Variants in FAM171A1 observed in about 807,000 individuals in gnomAD.
FAM171A1 encodes protein FAM171A1.
FAM171A1 carries 23 observed loss-of-function variants against 74.9 expected under a neutral mutation model. The observed-to-expected ratio is 0.31, with a 90% CI of 0.22 to 0.44. The LOEUF (loss-of-function observed/expected upper bound fraction) is 0.44. Among genes scored for constraint, FAM171A1 ranks in the 20% least tolerant of loss-of-function variants. FAM171A1 has a pLI of 1.00. For missense variants in FAM171A1, 1,162 were observed against 1,159.2 expected (o/e 1.00, Z -0.03); for synonymous variants, 527 against 505.7 (o/e 1.04, Z -0.57).
intron 4 of FAM171A1, among the ~76,000 whole-genome samples, chr10:15,254,393 T>C (rs1173145324): frequency 1.3e-5 from 2 of 152,166 alleles, no homozygotes; most frequent in African/African-American, 4.8e-5. Context: ...CTAAGTCTAA[T>C]CTTATACTTA....
intron 1 of FAM171A1, among the ~76,000 whole-genome samples, chr10:15,306,867 T>C (rs1208551855): frequency 1.3e-5 from 2 of 152,228 alleles, no homozygotes; most frequent in African/African-American, 2.4e-5. Context: ...TCACCGGAAC[T>C]AAGTCCAGCT....
At chr10:15,331,038 C>T (rs185476988) in intron 1 of FAM171A1, among the ~76,000 whole-genome samples, 65 of 152,106 alleles carry the variant, frequency 4.3e-4, no homozygotes, top group African/African-American at 1.4e-3. Context: ...TACAGGCGCA[C>T]GCCACCACGC....
intron 1 of FAM171A1, among the ~76,000 whole-genome samples, chr10:15,320,387 T>C (rs1835473021): frequency 6.6e-6 from 1 of 152,244 alleles, no homozygotes; most frequent in Non-Finnish European, 1.5e-5. Context: ...GGCTTCTAGG[T>C]TGATTTCACA....
intron 3 of FAM171A1, among the ~76,000 whole-genome samples, chr10:15,260,842 C>T (rs906752947): frequency 2.0e-5 from 3 of 152,140 alleles, no homozygotes; most frequent in Non-Finnish European, 2.9e-5. Context: ...GTAGCAGCCC[C>T]CAAAATTTCT....
intron 1 of FAM171A1, among the ~76,000 whole-genome samples, chr10:15,320,974 A>G (rs1835480037): frequency 1.3e-5 from 2 of 152,180 alleles, no homozygotes; most frequent in South Asian, 4.1e-4. Flanking sequence ...TTTAATGGGG[A>G]TGTAACACGG....
rs758641406 is a variant in FAM171A1, at chr10:15,214,595, C to G, written c.993G>C (p.Lys331Asn). The G allele has an allele frequency of 6.3e-7, 1 of 1,584,274 alleles. No individual in the cohort carries two copies. Among genetic ancestry groups the G allele is most frequent in the South Asian group, 1.2e-5 (1 of 86,948 alleles). The change falls in exon 8 of 8, where the codon AAG (lysine) becomes AAC (asparagine). Residue 331 changes from lysine to asparagine, a missense_variant. Physicochemically the swap from Lys to Asn is moderately conservative, Grantham distance 94. Coordinates refer to ENST00000378116, the MANE Select transcript of FAM171A1 (RefSeq NM_001010924.2). The stretch of plus-strand genomic sequence containing the variant: ...TGTGGTGCTGACGAGGTTTCAAGCA[C>G]TTCCTCCTGCGCCCAAAGACACAAT... Reference protein sequence around the residue: ...LCLLLYYCRRKCLKPRQHHRK... With the variant: ...LCLLLYYCRRNCLKPRQHHRK...
At chr10:15,293,557 ATAT>A (rs1382077898) in intron 1 of FAM171A1, among the ~76,000 whole-genome samples, 1 of 150,372 alleles carries the variant, frequency 6.7e-6, no homozygotes. Flanking sequence ...TAAAAAAAAA[ATAT>A]ATATATATAT....
intron 1 of FAM171A1, among the ~76,000 whole-genome samples, chr10:15,341,029 C>A (rs116034150): frequency 6.6e-6 from 1 of 152,162 alleles, no homozygotes; most frequent in African/African-American, 2.4e-5. Flanking sequence ...TATGCCAGTA[C>A]GTCTCAAGCT....
intron 3 of FAM171A1, among the ~76,000 whole-genome samples, chr10:15,275,379 C>T (rs1440770050): frequency 6.6e-6 from 1 of 151,804 alleles, no homozygotes; most frequent in African/African-American, 2.4e-5. Context: ...CTCCACCTCC[C>T]AGGTTTAAGC....
rs180891266 is a variant in FAM171A1 at position 15,265,992 on chromosome 10, C to T, written c.418+9863G>A. 2.8e-3 allele frequency among the ~76,000 whole-genome samples: 430 copies of T among 152,268 alleles called. 4 individuals are homozygous for T. Among genetic ancestry groups the T allele is most frequent in the African/African-American group, 9.1e-3 (380 of 41,558 alleles). On this transcript the variant is annotated intron_variant, in intron 3 of 7. Coordinates refer to ENST00000378116, the MANE Select transcript of FAM171A1 (RefSeq NM_001010924.2). ...GTGGTAGAAGGCACAAGAGGTAGAA[C>T]GACCAGCTCTGGGCTCAGGCAGCTC...
intron 1 of FAM171A1, among the ~76,000 whole-genome samples, chr10:15,342,391 G>A (rs559908036): frequency 1.8e-4 from 28 of 152,280 alleles, no homozygotes; most frequent in African/African-American, 6.3e-4. Flanking sequence ...CCAATATGGC[G>A]AAACCCTGTC....
At chr10:15,333,975 T>C (rs75977732) in intron 1 of FAM171A1, among the ~76,000 whole-genome samples, 1,855 of 152,242 alleles carry the variant, frequency 0.012, 38 homozygotes, top group African/African-American at 0.042. Flanking sequence ...CCAGAATCAC[T>C]AGGCCAGGCT....
intron 1 of FAM171A1, among the ~76,000 whole-genome samples, chr10:15,351,179 A>G (rs1050372374): frequency 1.3e-5 from 2 of 152,216 alleles, no homozygotes; most frequent in Non-Finnish European, 2.9e-5. Context: ...CTTTGCTCAG[A>G]TCAGAAGAAT....
chr10:15,216,202 C>G (rs1833964866), intron 6 of FAM171A1, 92 bp from the exon 7 acceptor site: 2 of 783,460 alleles, frequency 2.6e-6, no homozygotes, highest in East Asian at 5.7e-5. Context: ...TGTGCTTACT[C>G]TTCTTAGCTG....
chr10:15,343,063 G>A (rs1835782801), intron 1 of FAM171A1, among the ~76,000 whole-genome samples: 1 of 152,206 alleles, frequency 6.6e-6, no homozygotes, highest in African/African-American at 2.4e-5. Context: ...TACAATCACT[G>A]GAAGAGACCT....
intron 1 of FAM171A1, among the ~76,000 whole-genome samples, chr10:15,302,291 C>T (rs1400409020): frequency 2.0e-5 from 3 of 151,876 alleles, no homozygotes; most frequent in Non-Finnish European, 2.9e-5. Context: ...TGGTGAAACC[C>T]GTCTCTACTA....
intron 3 of FAM171A1, among the ~76,000 whole-genome samples, chr10:15,274,399 T>C (rs1197801153): frequency 6.6e-5 from 10 of 152,196 alleles, no homozygotes; most frequent in Admixed American, 4.6e-4. Flanking sequence ...CACAAACAAA[T>C]GGAAGAACAC....
intron 5 of FAM171A1, among the ~76,000 whole-genome samples, chr10:15,223,028 C>A (rs140829575): frequency 6.6e-6 from 1 of 152,162 alleles, no homozygotes; most frequent in Non-Finnish European, 1.5e-5. Flanking sequence ...GGAGCGACAA[C>A]GTAAGATGTT....
intron 1 of FAM171A1, among the ~76,000 whole-genome samples, chr10:15,301,875 T>C (rs935343982): frequency 1.3e-5 from 2 of 152,170 alleles, no homozygotes; most frequent in African/African-American, 4.8e-5. Context: ...TTCATAGTTC[T>C]TAGGTCACTA....
Sources: allele counts gnomAD v4.1 joint callset (sites outside exome capture counted in the v4.1 genomes callset), GRCh38; gene constraint gnomAD v4.1.1; transcripts MANE v1.5; gene names NCBI Gene and HGNC (gene_info 2026-07-23, HGNC 2026-07-21).